The following GAB2 variants were observed in gnomAD, a reference collection of about 807,000 sequenced individuals.
GAB2 encodes GRB2-associated-binding protein 2.
Under a neutral mutation model 65.5 loss-of-function variants are expected in GAB2, and 26 were observed. That is an observed-to-expected ratio of 0.40 (90% CI 0.29 to 0.55). GAB2 has a LOEUF of 0.55. GAB2 is among the 20% of genes least tolerant of loss of function. GAB2 has a pLI of 0.53. For missense variants in GAB2, 884 were observed against 875.8 expected (o/e 1.01, Z -0.12); for synonymous variants, 321 against 329.6 (o/e 0.97, Z 0.28).
chr11:78,280,695 G>A lies in GAB2; in HGVS notation c.282C>T (p.Thr94=). 1 of 1,613,942 alleles carries A rather than the reference G, an allele frequency of 6.2e-7. No individual in the cohort carries two copies. Among genetic ancestry groups the A allele is most frequent in the Non-Finnish European group, 8.5e-7 (1 of 1,179,832 alleles). Reference sequence around the variant, plus strand: ...CTTCTGTCTCAGCCACCAGGTAAAAGGTGCGTTCACTGGTCTTGATGTCAA... The same window carrying A: ...CTTCTGTCTCAGCCACCAGGTAAAAAGTGCGTTCACTGGTCTTGATGTCAA... ...FVFDIKTSER[T]FYLVAETEED... is the part of the protein sequence containing the mutation. Residue 94 remains threonine, a synonymous_variant, in exon 2 of 10, where the codon ACC becomes ACT. Transcript: ENST00000361507.
intron 1 of GAB2, among the ~76,000 whole-genome samples, chr11:78,398,568 A>G (rs1202499309): frequency 6.6e-6 from 1 of 152,204 alleles, no homozygotes; most frequent in African/African-American, 2.4e-5. Context: ...TATGACTGAA[A>G]TTTTTCATAA....
At chr11:78,292,985 A>G (rs1410245467) in intron 1 of GAB2, among the ~76,000 whole-genome samples, 2 of 152,238 alleles carry the variant, frequency 1.3e-5, no homozygotes, top group Non-Finnish European at 1.5e-5. Context: ...CAGACCCACA[A>G]AGAACTTGAG....
chr11:78,294,013 C>T (rs559136737), intron 1 of GAB2, among the ~76,000 whole-genome samples: 1 of 152,052 alleles, frequency 6.6e-6, no homozygotes. Context: ...GTGTGCTGCA[C>T]CCAGTAACTC....
intron 1 of GAB2, among the ~76,000 whole-genome samples, chr11:78,412,280 A>G (rs1857140080): frequency 6.6e-6 from 1 of 152,234 alleles, no homozygotes; most frequent in South Asian, 2.1e-4. Context: ...CTAACGGGTG[A>G]ATGGTTAAAT....
intron 1 of GAB2, among the ~76,000 whole-genome samples, chr11:78,357,771 T>C (rs370225615): frequency 2.6e-5 from 4 of 152,192 alleles, no homozygotes; most frequent in South Asian, 2.1e-4. Flanking sequence ...GTTAGAATGG[T>C]GATCATTAAA....
chr11:78,263,741 A>G (rs926774850), intron 2 of GAB2, among the ~76,000 whole-genome samples: 8 of 151,926 alleles, frequency 5.3e-5, no homozygotes, highest in Non-Finnish European at 7.4e-5. Flanking sequence ...TTCTTTTTCC[A>G]TATCACAGAA....
intron 1 of GAB2, among the ~76,000 whole-genome samples, chr11:78,385,715 A>G (rs1199641961): frequency 6.6e-6 from 1 of 152,190 alleles, no homozygotes. Flanking sequence ...GAAGATGGGA[A>G]GCATGTCCAA....
At chr11:78,354,379 C>A (rs559538478) in intron 1 of GAB2, among the ~76,000 whole-genome samples, 2 of 152,204 alleles carry the variant, frequency 1.3e-5, no homozygotes, top group African/African-American at 4.8e-5. Flanking sequence ...GATACTAGTA[C>A]AGACCATATG....
At position 78,216,949 on chromosome 11, in the gene GAB2, A is replaced by G. The variant is rs2450135; in HGVS notation, c.*2323T>C. On this transcript the variant is annotated 3_prime_UTR_variant, in exon 10 of 10. Transcript: ENST00000361507. Reference sequence around the variant, plus strand: ...ATTGGAACACCAAGGCATGGCCCCTACACTTCTGAGTGGCTGGACCCATAT... The same window carrying G: ...ATTGGAACACCAAGGCATGGCCCCTGCACTTCTGAGTGGCTGGACCCATAT... 0.94 allele frequency: 143,082 copies of G among 152,382 alleles called. 67,595 individuals carry two copies. Among genetic ancestry groups the G allele is most frequent in the African/African-American group, 0.99 (41,021 of 41,568 alleles). The allele number at this position is 152,382 out of a possible 1,614,324, so 9.4% of individuals were successfully genotyped here. A position where few individuals can be genotyped will look rare whatever the true frequency, so the allele number is the denominator to read the frequency against.
At chr11:78,275,325 A>T (rs2512544) in intron 2 of GAB2, among the ~76,000 whole-genome samples, 26,883 of 152,106 alleles carry the variant, frequency 0.18, 2,730 homozygotes, top group East Asian at 0.4. Context: ...ATTTCATCAT[A>T]TGAAAAATGG....
chr11:78,231,945 T>G (rs1438761073), intron 3 of GAB2: 1 of 152,244 alleles, frequency 6.6e-6, no homozygotes, highest in Non-Finnish European at 1.5e-5. Context: ...CTCTTGCATT[T>G]GACCCATTCC....
intron 1 of GAB2, among the ~76,000 whole-genome samples, chr11:78,360,407 A>G (rs1229489728): frequency 6.6e-6 from 1 of 151,402 alleles, no homozygotes; most frequent in Non-Finnish European, 1.5e-5. Flanking sequence ...AAAAAAAAAA[A>G]AAGAAGAAGA....
rs552654942 is a variant in GAB2, at chr11:78,331,666, C to T, written c.76-50765G>A. ...TATCCTTACCACAGAAAACCTCTTT[C>T]TCTAAGCTTGAAGTCCTCAGGATAA... On this transcript the variant is annotated intron_variant, in intron 1 of 9. Transcript: ENST00000361507. Among the ~76,000 whole-genome samples, 9 of 152,310 alleles carry T rather than the reference C, an allele frequency of 5.9e-5. No homozygotes were observed. In the South Asian group the frequency reaches 1.9e-3, roughly 32 times the overall value.
At chr11:78,261,005 T>C (rs551544483) in intron 2 of GAB2, among the ~76,000 whole-genome samples, 2 of 152,168 alleles carry the variant, frequency 1.3e-5, no homozygotes, top group South Asian at 4.1e-4. Flanking sequence ...AGCTCAGGTG[T>C]TCAAGACCAG....
intron 1 of GAB2, among the ~76,000 whole-genome samples, chr11:78,401,975 C>T (rs1212958664): frequency 6.6e-6 from 1 of 152,152 alleles, no homozygotes; most frequent in African/African-American, 2.4e-5. Flanking sequence ...TTTAAATACT[C>T]AAATAATCTG....
chr11:78,366,192 T>C (rs1028445972), intron 1 of GAB2, among the ~76,000 whole-genome samples: 2 of 152,186 alleles, frequency 1.3e-5, no homozygotes, highest in Non-Finnish European at 2.9e-5. Context: ...TTATCAAGTA[T>C]TAGCTGTTAG....
At chr11:78,299,747 T>A (rs1159209067) in intron 1 of GAB2, among the ~76,000 whole-genome samples, 1 of 152,228 alleles carries the variant, frequency 6.6e-6, no homozygotes, top group Non-Finnish European at 1.5e-5. Context: ...ACTATCTTGC[T>A]CCTGGGAGCC....
chr11:78,344,847 T>C (rs780290122), intron 1 of GAB2, among the ~76,000 whole-genome samples: 4 of 152,196 alleles, frequency 2.6e-5, no homozygotes, highest in Non-Finnish European at 4.4e-5. Context: ...CCTGTTTTTT[T>C]TGAAAATCTA....
At chr11:78,273,304 A>G (rs1016765695) in intron 2 of GAB2, among the ~76,000 whole-genome samples, 6 of 152,252 alleles carry the variant, frequency 3.9e-5, no homozygotes, top group African/African-American at 1.4e-4. Flanking sequence ...GAAATCAGCC[A>G]GAAGAGAGGC....
Sources: gnomAD v4.1 joint callset for allele counts (sites outside exome capture counted in the v4.1 genomes callset) on GRCh38, gnomAD v4.1.1 for gene constraint, MANE v1.5 for transcripts, NCBI Gene and HGNC (gene_info 2026-07-23, HGNC 2026-07-21) for gene names.